The following GPC5 variants were observed in gnomAD, a reference collection of about 807,000 sequenced individuals.
GPC5 encodes glypican 5, also known as glypican-5.
A neutral mutation model predicts 53.9 loss-of-function variants in GPC5; 47 were observed. The observed-to-expected ratio is 0.87, with a 90% confidence interval of 0.69 to 1.11. The LOEUF is 1.11. Among genes scored for constraint, GPC5 ranks in the 50% most tolerant of loss-of-function variants. The pLI, the probability that GPC5 is intolerant of heterozygous loss-of-function variation, is 0.00. For synonymous variants in GPC5, 286 were observed against 263.3 expected, an observed-to-expected ratio of 1.09 and a Z score of -0.84; for missense variants, 748 against 713.1, an observed-to-expected ratio of 1.05 and a Z score of -0.56.
chr13:91,973,173 T>A (rs910186554), intron 6 of GPC5, among the ~76,000 whole-genome samples: 1 of 152,190 alleles, frequency 6.6e-6, no homozygotes, highest in Admixed American at 6.5e-5. Context: ...TTTCTTTTTA[T>A]TCTTTTTTCT....
chr13:91,656,545 T>C (rs1178557624), intron 2 of GPC5, among the ~76,000 whole-genome samples: 1 of 152,126 alleles, frequency 6.6e-6, no homozygotes, highest in African/African-American at 2.4e-5. Flanking sequence ...GTAAGATAAA[T>C]GTGAGATGTT....
intron 5 of GPC5, among the ~76,000 whole-genome samples, chr13:91,810,575 A>G (rs1207021308): frequency 1.3e-5 from 2 of 151,988 alleles, no homozygotes; most frequent in East Asian, 3.8e-4. Flanking sequence ...ACCTTGGCTT[A>G]ACACAGGAAC....
chr13:92,406,968 C>T (rs1875821847), intron 7 of GPC5, among the ~76,000 whole-genome samples: 1 of 152,108 alleles, frequency 6.6e-6, no homozygotes, highest in Non-Finnish European at 1.5e-5. Context: ...TTAGTAGTAA[C>T]TTCTACTACC....
rs573419903 is a variant in GPC5, at chr13:92,535,447, A to G, written c.1562-330835A>G. 8.5e-5 allele frequency among the ~76,000 whole-genome samples: 13 copies of G among 152,140 alleles called. No homozygotes were observed. In the South Asian group the frequency reaches 2.5e-3, roughly 29 times the overall value. On this transcript the variant is annotated intron_variant, in intron 7 of 7. Transcript: ENST00000377067. ...CAAATCCATCTCCCTGACTGACTAA[A>G]ACTAGTGGTTTATATAGAGGGAAAG...
At chr13:92,530,732 C>T (rs546807265) in intron 7 of GPC5, among the ~76,000 whole-genome samples, 2 of 152,230 alleles carry the variant, frequency 1.3e-5, no homozygotes, top group African/African-American at 2.4e-5. Context: ...CACACCCTCA[C>T]GTGTGAATAA....
At chr13:92,721,282 A>G (rs562387391) in intron 7 of GPC5, among the ~76,000 whole-genome samples, 2 of 152,214 alleles carry the variant, frequency 1.3e-5, no homozygotes, top group African/African-American at 4.8e-5. Flanking sequence ...ATAAACAAGC[A>G]GAATTTGGAC....
chr13:92,245,635 A>G (rs1443578465), intron 7 of GPC5, among the ~76,000 whole-genome samples: 1 of 152,190 alleles, frequency 6.6e-6, no homozygotes, highest in Non-Finnish European at 1.5e-5. Context: ...GATATAAATA[A>G]TGATTTCATA....
intron 2 of GPC5, among the ~76,000 whole-genome samples, chr13:91,496,836 T>C (rs1594167103): frequency 6.6e-6 from 1 of 152,310 alleles, no homozygotes; most frequent in Admixed American, 6.5e-5. Context: ...CCATTTTCCA[T>C]GATGTGAATG....
intron 6 of GPC5, among the ~76,000 whole-genome samples, chr13:92,026,411 T>G (rs957346698): frequency 7.9e-5 from 12 of 151,598 alleles, no homozygotes; most frequent in African/African-American, 2.9e-4. Flanking sequence ...ACATAGACCC[T>G]ACTTAAAGGT....
chr13:91,983,838 C>A (rs1366844608), intron 6 of GPC5, among the ~76,000 whole-genome samples: 1 of 152,170 alleles, frequency 6.6e-6, no homozygotes, highest in Admixed American at 6.5e-5. Context: ...TTCCTTAATT[C>A]CCTACCTACA....
At chr13:92,477,307 A>T (rs1879187912) in intron 7 of GPC5, among the ~76,000 whole-genome samples, 1 of 152,136 alleles carries the variant, frequency 6.6e-6, no homozygotes, top group Non-Finnish European at 1.5e-5. Flanking sequence ...ATTTCAAGCC[A>T]AGACTGTTTA....
chr13:91,842,380 G>A (rs1355917270), intron 5 of GPC5, among the ~76,000 whole-genome samples: 1 of 149,084 alleles, frequency 6.7e-6, no homozygotes, highest in African/African-American at 2.5e-5. Context: ...ATATTTTTAA[G>A]GAAACTCACA....
At position 91,968,741 on chromosome 13, in the gene GPC5, C is replaced by G. The variant is rs1426383093; in HGVS notation, c.1401+60684C>G. Among the ~76,000 whole-genome samples the G allele has an allele frequency of 2.0e-5, 3 of 151,410 alleles. No individual in the cohort carries two copies. In the East Asian group the frequency reaches 6.0e-4, roughly 30 times the overall value. On this transcript the variant is annotated intron_variant, in intron 6 of 7. Transcript: ENST00000377067. ...CCTCCCAAAGTGCTGGGATTACAGG[C>G]GTGAGCCACTGCGCCCGGGCAATAA...
chr13:91,827,145 A>G (rs1658194017), intron 5 of GPC5, among the ~76,000 whole-genome samples: 2 of 152,098 alleles, frequency 1.3e-5, no homozygotes, highest in South Asian at 4.1e-4. Flanking sequence ...CCCTGATGTG[A>G]TCATTACATA....
At chr13:92,822,722 C>T (rs1877715520) in intron 7 of GPC5, among the ~76,000 whole-genome samples, 1 of 151,952 alleles carries the variant, frequency 6.6e-6, no homozygotes, top group African/African-American at 2.4e-5. Context: ...GTATTTTTAC[C>T]AGCAGAGGAG....
At chr13:91,425,973 C>T (rs1879014376) in intron 1 of GPC5, among the ~76,000 whole-genome samples, 1 of 152,150 alleles carries the variant, frequency 6.6e-6, no homozygotes, top group African/African-American at 2.4e-5. Flanking sequence ...GCAAAGGTCA[C>T]TCTTGCTATG....
intron 7 of GPC5, among the ~76,000 whole-genome samples, chr13:92,825,611 T>C (rs1430823665): frequency 2.0e-5 from 3 of 152,230 alleles, no homozygotes; most frequent in Admixed American, 6.6e-5. Context: ...ATAGTATGTA[T>C]ATCAAATGAA....
chr13:92,184,153 T>A (rs2042166599), intron 7 of GPC5, among the ~76,000 whole-genome samples: 1 of 152,136 alleles, frequency 6.6e-6, no homozygotes, highest in Admixed American at 6.5e-5. Context: ...TGGCTTTTTC[T>A]TTTTTCTTTT....
intron 2 of GPC5, among the ~76,000 whole-genome samples, chr13:91,633,331 A>G (rs575081997): frequency 6.6e-6 from 1 of 152,154 alleles, no homozygotes; most frequent in South Asian, 2.1e-4. Context: ...TATTCCTCAG[A>G]TGTCACTGGG....
Sources: gnomAD v4.1 joint callset for allele counts (sites outside exome capture counted in the v4.1 genomes callset) on GRCh38, gnomAD v4.1.1 for gene constraint, MANE v1.5 for transcripts, NCBI Gene and HGNC (gene_info 2026-07-23, HGNC 2026-07-21) for gene names.